Variants in GSE1 observed in about 807,000 individuals in gnomAD.
GSE1 encodes the protein genetic suppressor element 1.
GSE1 carries 32 observed loss-of-function variants against 112.6 expected under a neutral mutation model. That is an observed-to-expected ratio of 0.28 (90% CI 0.21 to 0.38). The LOEUF (loss-of-function observed/expected upper bound fraction) is 0.38, where lower values mean the gene tolerates loss of function less well. GSE1 is among the 10% of genes least tolerant of loss of function. GSE1 has a pLI of 1.00. For synonymous variants in GSE1, 1,115 were observed against 735.6 expected (o/e 1.52, Z -8.35); for missense variants, 2,348 against 1,699.2 (o/e 1.38, Z -6.71).
At chr16:85,444,557 T>C (rs2049460475) in intron 2 of GSE1, among the ~76,000 whole-genome samples, 1 of 152,086 alleles carries the variant, frequency 6.6e-6, no homozygotes, top group African/African-American at 2.4e-5. Context: ...TGGGTTATGG[T>C]CCAGAGGGCA....
chr16:85,571,865 T>G (rs959586030), intron 1 of GSE1, among the ~76,000 whole-genome samples: 1 of 151,878 alleles, frequency 6.6e-6, no homozygotes, highest in Non-Finnish European at 1.5e-5. Flanking sequence ...TGGCTGTCCA[T>G]GAAATGGGGA....
At chr16:85,547,584 A>C (rs977737284) in intron 2 of GSE1, among the ~76,000 whole-genome samples, 1 of 152,188 alleles carries the variant, frequency 6.6e-6, no homozygotes, top group African/African-American at 2.4e-5. Flanking sequence ...AGTACAGATC[A>C]AACCAGTATA....
intron 1 of GSE1, among the ~76,000 whole-genome samples, chr16:85,236,239 G>A (rs1597868422): frequency 1.3e-5 from 2 of 152,218 alleles, no homozygotes; most frequent in African/African-American, 4.8e-5. Flanking sequence ...CCGGAGGGGT[G>A]AAGGGCCGGG....
upstream of GSE1, chr16:85,613,025 T>G: frequency 3.3e-6 from 1 of 306,964 alleles, no homozygotes; most frequent in Non-Finnish European, 5.9e-6. Context: ...GCCCCGCTGG[T>G]GTCCCCGGCT....
chr16:85,290,020 G>A (rs764664405), intron 1 of GSE1, among the ~76,000 whole-genome samples: 75 of 152,196 alleles, frequency 4.9e-4, no homozygotes, highest in Admixed American at 5.2e-4. Context: ...TAAGAAGGCC[G>A]GGGAGCAGAG....
intron 2 of GSE1, among the ~76,000 whole-genome samples, chr16:85,495,196 A>G (rs528455951): frequency 7.9e-5 from 12 of 152,356 alleles, no homozygotes; most frequent in African/African-American, 2.6e-4. Context: ...CCGAAAGCCA[A>G]GGTTGGGGTC....
intron 1 of GSE1, among the ~76,000 whole-genome samples, chr16:85,354,315 T>G (rs545144382): frequency 6.6e-6 from 1 of 152,368 alleles, no homozygotes; most frequent in East Asian, 1.9e-4. Flanking sequence ...TTGTGTGAGC[T>G]CAGATCACTC....
At chr16:85,232,269 C>T (rs545390906) in intron 1 of GSE1, among the ~76,000 whole-genome samples, 2 of 152,304 alleles carry the variant, frequency 1.3e-5, no homozygotes, top group South Asian at 4.1e-4. Context: ...AGTGTGCTCC[C>T]CAGGGGCCTC....
chr16:85,590,251 C>T (rs925101881), intron 1 of GSE1, among the ~76,000 whole-genome samples: 3 of 147,168 alleles, frequency 2.0e-5, no homozygotes, highest in African/African-American at 7.5e-5. Flanking sequence ...CGTGTGGGCC[C>T]GCGTGTGAAT....
intron 1 of GSE1, among the ~76,000 whole-genome samples, chr16:85,346,546 G>C (rs1010628308): frequency 3.3e-5 from 5 of 151,424 alleles, no homozygotes; most frequent in Non-Finnish European, 5.9e-5. Context: ...ATAGGCGGGT[G>C]GATGGGTGAT....
intron 1 of GSE1, among the ~76,000 whole-genome samples, chr16:85,312,361 G>T (rs1156676925): frequency 6.6e-6 from 1 of 152,162 alleles, no homozygotes; most frequent in Non-Finnish European, 1.5e-5. Flanking sequence ...CTGTTGGCAG[G>T]GCCGCCCTCC....
chr16:85,255,254 G>C (rs1906945974), intron 1 of GSE1, among the ~76,000 whole-genome samples: 1 of 152,142 alleles, frequency 6.6e-6, no homozygotes, highest in Admixed American at 6.5e-5. Flanking sequence ...GGAGACCCGG[G>C]AGCCCAGAGG....
At chr16:85,436,870 C>T (rs961195415) in intron 2 of GSE1, among the ~76,000 whole-genome samples, 4 of 152,184 alleles carry the variant, frequency 2.6e-5, no homozygotes, top group African/African-American at 7.2e-5. Flanking sequence ...CCCCATCCCA[C>T]GCAGTGGGCG....
intron 1 of GSE1, among the ~76,000 whole-genome samples, chr16:85,231,107 T>A (rs56162500): frequency 2.9e-5 from 4 of 139,656 alleles, no homozygotes; most frequent in African/African-American, 1.1e-4. Context: ...GACAGATGAA[T>A]GGATGGATGA....
rs1055528612 is a variant in GSE1, at chr16:85,635,171, C to G, written c.226+1039C>G. ...ACTTCTCATTTCTGAATGTCTCCTT[C>G]CTGGATCCTTTCTGCTGCTGCTCGT... On this transcript the variant is annotated intron_variant, in intron 2 of 15. Coordinates refer to ENST00000253458, the MANE Select transcript of GSE1 (RefSeq NM_014615.5). 1.3e-4 allele frequency among the ~76,000 whole-genome samples: 20 copies of G among 152,182 alleles called. No individual in the cohort carries two copies. In the South Asian group the frequency reaches 1.7e-3, roughly 13 times the overall value.
chr16:85,520,912 C>T (rs755803558), intron 2 of GSE1, among the ~76,000 whole-genome samples: 49 of 152,170 alleles, frequency 3.2e-4, no homozygotes, highest in Non-Finnish European at 5.7e-4. Flanking sequence ...TGGTCCCGCC[C>T]GCCACCCTCT....
intron 2 of GSE1, among the ~76,000 whole-genome samples, chr16:85,514,229 G>A (rs1431408522): frequency 7.7e-5 from 10 of 130,610 alleles, no homozygotes; most frequent in African/African-American, 1.8e-4. Context: ...TCCCCTCCCC[G>A]GTTTCTCTCT....
chr16:85,667,291 C>T (rs2052944534), intron 13 of GSE1, among the ~76,000 whole-genome samples: 1 of 151,196 alleles, frequency 6.6e-6, no homozygotes, highest in South Asian at 2.1e-4. Context: ...TTTAGTCACT[C>T]TGCCATACCA....
At chr16:85,588,958 C>T (rs2046838070) in intron 1 of GSE1, among the ~76,000 whole-genome samples, 1 of 152,184 alleles carries the variant, frequency 6.6e-6, no homozygotes, top group Non-Finnish European at 1.5e-5. Context: ...CATATTCACA[C>T]ACACGTTCAC....
Sources: gnomAD v4.1 joint callset for allele counts (sites outside exome capture counted in the v4.1 genomes callset) on GRCh38, gnomAD v4.1.1 for gene constraint, MANE v1.5 for transcripts, NCBI Gene and HGNC (gene_info 2026-07-23, HGNC 2026-07-21) for gene names.